The following GRIN2B variants were observed in gnomAD, a reference collection of about 807,000 sequenced individuals.
GRIN2B encodes glutamate ionotropic receptor NMDA type subunit 2B, also known as glutamate receptor ionotropic, NMDA 2B.
GRIN2B carries 5 observed loss-of-function variants against 114.5 expected under a neutral mutation model. The observed-to-expected ratio is 0.04, with a 90% CI of 0.02 to 0.09. The LOEUF is 0.09. GRIN2B is among the 10% of genes least tolerant of loss of function. The pLI, the probability that GRIN2B is intolerant of heterozygous loss-of-function variation, is 1.00. For missense variants in GRIN2B, 1,108 were observed against 1,943.5 expected (o/e 0.57, Z 8.08); for synonymous variants, 787 against 745.1 (o/e 1.06, Z -0.92).
intron 5 of GRIN2B, among the ~76,000 whole-genome samples, chr12:13,661,817 T>C (rs1949926644): frequency 6.6e-6 from 1 of 152,118 alleles, no homozygotes; most frequent in Non-Finnish European, 1.5e-5. Flanking sequence ...GAATCTGGAG[T>C]TCTATGGGAA....
chr12:13,902,836 T>C (rs2136789239), intron 2 of GRIN2B, among the ~76,000 whole-genome samples: 1 of 152,222 alleles, frequency 6.6e-6, no homozygotes, highest in East Asian at 1.9e-4. Flanking sequence ...TAATAATTTT[T>C]CTTTCTTTAA....
At chr12:13,773,496 C>A (rs1863944606) in intron 3 of GRIN2B, among the ~76,000 whole-genome samples, 1 of 152,174 alleles carries the variant, frequency 6.6e-6, no homozygotes, top group African/African-American at 2.4e-5. Flanking sequence ...GAACAGAAGT[C>A]TACATCTTCC....
chr12:13,654,418 T>C (rs1949844116), intron 5 of GRIN2B, among the ~76,000 whole-genome samples: 1 of 152,182 alleles, frequency 6.6e-6, no homozygotes, highest in African/African-American at 2.4e-5. Context: ...TGCTTGTTTG[T>C]ATATGAAAAA....
At position 13,898,199 on chromosome 12, in the gene GRIN2B, G is replaced by A. The variant is rs147427741; in HGVS notation, c.-18-31973C>T. On this transcript the variant is annotated intron_variant, in intron 2 of 13. Coordinates refer to ENST00000609686, the MANE Select transcript of GRIN2B (RefSeq NM_000834.5). ...CACAGGCTGCAAATGGGAACTATTA[G>A]GGTCTGACACTGATCTGGAGGGGTT... Among the ~76,000 whole-genome samples the A allele has an allele frequency of 5.6e-3, 845 of 152,130 alleles. 4 individuals carry two copies. Among genetic ancestry groups the A allele is most frequent in the Non-Finnish European group, 9.1e-3 (618 of 67,986 alleles).
At chr12:13,604,003 A>C (rs952012065) in intron 10 of GRIN2B, among the ~76,000 whole-genome samples, 2 of 152,192 alleles carry the variant, frequency 1.3e-5, no homozygotes, top group Non-Finnish European at 2.9e-5. Flanking sequence ...AGTGCCCAGC[A>C]AATATGTCCC....
rs148411953 is a variant in GRIN2B, at chr12:13,972,933, T to TG, written c.-19+6994dup. ...CACAAGTCTAATATGCACAGGTGTG[T>TG]GGGGGGTGTGTGGATTTGGATACAT... On this transcript the variant is annotated intron_variant, in intron 2 of 13. Transcript: ENST00000609686. 8.6e-4 allele frequency among the ~76,000 whole-genome samples: 131 copies of TG among 152,246 alleles called. No homozygotes were observed. In the East Asian group the frequency reaches 0.019, roughly 22 times the overall value.
intron 3 of GRIN2B, among the ~76,000 whole-genome samples, chr12:13,843,122 A>C (rs1166708015): frequency 1.3e-5 from 2 of 149,420 alleles, no homozygotes; most frequent in African/African-American, 4.9e-5. Flanking sequence ...AAAAAAAAAA[A>C]AAAAACACTG....
At chr12:13,622,635 C>T (rs560213363) in intron 5 of GRIN2B, among the ~76,000 whole-genome samples, 1 of 152,040 alleles carries the variant, frequency 6.6e-6, no homozygotes, top group Non-Finnish European at 1.5e-5. Flanking sequence ...ATCCCTCACA[C>T]TTCTAGAGGC....
chr12:13,957,722 G>C (rs1371494797), intron 2 of GRIN2B, among the ~76,000 whole-genome samples: 1 of 152,306 alleles, frequency 6.6e-6, no homozygotes, highest in Non-Finnish European at 1.5e-5. Flanking sequence ...CAGCACAGCA[G>C]TCGGCTCCCT....
At chr12:13,640,719 T>G (rs1003314405) in intron 5 of GRIN2B, among the ~76,000 whole-genome samples, 1 of 152,154 alleles carries the variant, frequency 6.6e-6, no homozygotes, top group African/African-American at 2.4e-5. Flanking sequence ...GAACTATCTA[T>G]TATGAATGAG....
At chr12:13,873,443 G>C (rs1430669041) in intron 2 of GRIN2B, among the ~76,000 whole-genome samples, 1 of 152,288 alleles carries the variant, frequency 6.6e-6, no homozygotes, top group Middle Eastern at 3.4e-3. Flanking sequence ...AATGCACTTA[G>C]TGTCTGCTAA....
At chr12:13,791,531 T>C (rs1013541561) in intron 3 of GRIN2B, among the ~76,000 whole-genome samples, 19 of 152,054 alleles carry the variant, frequency 1.2e-4, no homozygotes, top group African/African-American at 4.3e-4. Flanking sequence ...AACCACAGAA[T>C]GCACCATGGA....
chr12:13,740,492 CTT>C (rs59103603), intron 4 of GRIN2B, among the ~76,000 whole-genome samples: 19 of 141,022 alleles, frequency 1.3e-4, no homozygotes, highest in African/African-American at 1.0e-4. Flanking sequence ...ATAGCATTTT[CTT>C]TTTTTTTTTT....
chr12:13,965,850 A>G lies in GRIN2B; in HGVS notation c.-19+14078T>C, dbSNP rs111646553. Among the ~76,000 whole-genome samples, 533 of 152,298 alleles carry G rather than the reference A, an allele frequency of 3.5e-3. 4 individuals are homozygous for G. Among genetic ancestry groups the G allele is most frequent in the African/African-American group, 0.012 (517 of 41,558 alleles). On this transcript the variant is annotated intron_variant, in intron 2 of 13. Coordinates refer to ENST00000609686, the MANE Select transcript of GRIN2B (RefSeq NM_000834.5). ...CTTAAATCTTTTGCATGATATGTCA[A>G]TCTTTCTTCTCAGATTTCACAACTT...
At chr12:13,633,883 GT>G (rs1949640337) in intron 5 of GRIN2B, among the ~76,000 whole-genome samples, 1 of 151,762 alleles carries the variant, frequency 6.6e-6, no homozygotes, top group Admixed American at 6.6e-5. Flanking sequence ...TTGGCTCAGG[GT>G]CCCTCTCAGC....
At chr12:13,884,321 G>A (rs962302370) in intron 2 of GRIN2B, among the ~76,000 whole-genome samples, 4 of 151,866 alleles carry the variant, frequency 2.6e-5, no homozygotes, top group Admixed American at 6.6e-5. Flanking sequence ...TTTAAGAAAC[G>A]TAGACACCTT....
intron 10 of GRIN2B, among the ~76,000 whole-genome samples, chr12:13,582,341 T>C (rs1378973395): frequency 6.6e-6 from 1 of 152,224 alleles, no homozygotes; most frequent in Non-Finnish European, 1.5e-5. Context: ...AACAATAATA[T>C]TGCAGAATGT....
chr12:13,963,557 G>A (rs1176966369), intron 2 of GRIN2B, among the ~76,000 whole-genome samples: 3 of 152,166 alleles, frequency 2.0e-5, no homozygotes, highest in Non-Finnish European at 4.4e-5. Flanking sequence ...AGTTCCAGGC[G>A]CTTTACATAC....
chr12:13,803,359 T>G (rs1260870781), intron 3 of GRIN2B, among the ~76,000 whole-genome samples: 2 of 152,042 alleles, frequency 1.3e-5, no homozygotes, highest in East Asian at 3.9e-4. Context: ...GAAAATAAAG[T>G]GCCTGTCACA....
Sources: allele counts gnomAD v4.1 joint callset (sites outside exome capture counted in the v4.1 genomes callset), GRCh38; gene constraint gnomAD v4.1.1; transcripts MANE v1.5; gene names NCBI Gene and HGNC (gene_info 2026-07-23, HGNC 2026-07-21).